The following ZSCAN22 variants were observed in gnomAD, a reference collection of about 807,000 sequenced individuals.
The protein encoded by ZSCAN22 is zinc finger and SCAN domain-containing protein 22.
A neutral mutation model predicts 12.4 loss-of-function variants in ZSCAN22; 7 were observed. The observed-to-expected ratio is 0.57, with a 90% confidence interval of 0.32 to 1.06. The LOEUF is 1.06. ZSCAN22 is among the 50% of genes least tolerant of loss of function. The probability of loss-of-function intolerance (pLI) is 0.04; values close to 1 mark genes in which losing one functional copy is unlikely to be tolerated. For missense variants in ZSCAN22, 576 were observed against 631.7 expected (o/e 0.91, Z 0.94); for synonymous variants, 243 against 255.9 (o/e 0.95, Z 0.48).
rs561266749 is a variant in ZSCAN22, at chr19:58,330,006, C to T, written c.-52+2892C>T. Among the ~76,000 whole-genome samples the T allele has an allele frequency of 9.9e-5, 15 of 152,230 alleles. No individual in the cohort carries two copies. In the South Asian group the frequency reaches 1.7e-3, roughly 17 times the overall value. ...TAAAAAGTTAAGCATTGCCTACATGCGGCCAGGCGCAGTGGCTCATGCCTG... is the reference window on the plus strand; with the variant it reads ...TAAAAAGTTAAGCATTGCCTACATGTGGCCAGGCGCAGTGGCTCATGCCTG... On this transcript the variant is annotated intron_variant, in intron 1 of 2. Coordinates refer to ENST00000329665, the MANE Select transcript of ZSCAN22 (RefSeq NM_181846.3).
Position 58,334,766 on chromosome 19 carries a change from C to T in ZSCAN22, c.-37C>T. 1 of 1,541,618 alleles carries T rather than the reference C, an allele frequency of 6.5e-7. No homozygotes were observed. Among genetic ancestry groups the T allele is most frequent in the Non-Finnish European group, 8.8e-7 (1 of 1,142,596 alleles). ...CATTCCTGCAGGCCCAGTTCCAAGG[C>T]TCCGGCATCCTGTGTCTCACTGAGC... On this transcript the variant is annotated 5_prime_UTR_variant, in exon 2 of 3. Coordinates refer to ENST00000329665, the MANE Select transcript of ZSCAN22 (RefSeq NM_181846.3).
rs745696839 is a variant in ZSCAN22 at position 58,334,951 on chromosome 19, T to C, written c.149T>C (p.Leu50Pro). 1 of 1,614,144 alleles carries C rather than the reference T, an allele frequency of 6.2e-7. No homozygotes were observed. The highest frequency in any genetic ancestry group is 8.5e-7 in the Non-Finnish European group (1 of 1,180,030). Reference sequence around the variant, plus strand: ...ATTGCTCACTCTGAGGCTGCACGCCTGCGCTTCCGGCACTTCCGCTATGAG... The same window carrying C: ...ATTGCTCACTCTGAGGCTGCACGCCCGCGCTTCCGGCACTTCCGCTATGAG... ...DHIAHSEAAR[L>P]RFRHFRYEEA... Residue 50 changes from leucine to proline, a missense_variant, in exon 2 of 3, where the codon CTG becomes CCG. Physicochemically the swap from Leu to Pro is moderately conservative, Grantham distance 98 (BLOSUM62 -3). Transcript: ENST00000329665.
rs2051788203 is a variant in ZSCAN22 at position 58,335,635 on chromosome 19, C to T, written c.403+430C>T. 6.6e-6 allele frequency among the ~76,000 whole-genome samples: 1 copy of T among 152,220 alleles called. No individual in the cohort carries two copies. Among genetic ancestry groups the T allele is most frequent in the Non-Finnish European group, 1.5e-5 (1 of 68,040 alleles). ...AACAATAAGAGGTCCCTGGTCTGAG[C>T]CCCCACTGGCCTGGTTGGGATCTTA... is the stretch of plus-strand genomic sequence containing the variant. On this transcript the variant is annotated intron_variant, in intron 2 of 2. Transcript: ENST00000329665. The surrounding 1 kb of genome is among the most constrained non-coding windows in gnomAD (Gnocchi z 4.1).
At chr19:58,336,401 G>C (rs1231547847) in intron 2 of ZSCAN22, among the ~76,000 whole-genome samples, 2 of 152,098 alleles carry the variant, frequency 1.3e-5, no homozygotes, top group Non-Finnish European at 2.9e-5. Flanking sequence ...CCTCCCACAG[G>C]GTTGGCCAAA....
At position 58,338,182 on chromosome 19, in the gene ZSCAN22, C is replaced by T. The variant is rs548183421; in HGVS notation, c.404-72C>T. 4 of 1,387,778 alleles carry T rather than the reference C, an allele frequency of 2.9e-6. No individual in the cohort carries two copies. The East Asian group carries it at 9.3e-5, about 32-fold the overall frequency. 86.0% of individuals were successfully genotyped at this position (1,387,778 alleles called of 1,614,324 possible). A position where few individuals can be genotyped will look rare whatever the true frequency, so the allele number is the denominator to read the frequency against. ...CCACATCTCCCCTTACAAAGTGTGA[C>T]CGGGGCCCTCGGCAGAGTAGGGGAG... On this transcript the variant is annotated intron_variant, in intron 2 of 2. Coordinates refer to ENST00000329665, the MANE Select transcript of ZSCAN22 (RefSeq NM_181846.3). The surrounding 1 kb of genome is among the most constrained non-coding windows in gnomAD (Gnocchi z 5.4).
At position 58,339,210 on chromosome 19, in the gene ZSCAN22, C is replaced by G; in HGVS notation, c.1360C>G (p.His454Asp). ...AFAQSSSLIE[H>D]QRIHTGEKPY... is the part of the protein sequence containing the mutation. Reference sequence around the variant, plus strand: ...TGCACAGAGCTCCTCCCTCATTGAGCACCAGAGGATCCACACGGGAGAGAA... The same window carrying G: ...TGCACAGAGCTCCTCCCTCATTGAGGACCAGAGGATCCACACGGGAGAGAA... The change falls in exon 3 of 3, where the codon CAC (histidine) becomes GAC (aspartate). Residue 454 changes from histidine to aspartate, a missense_variant. His to Asp is a moderately conservative substitution (Grantham distance 81, BLOSUM62 -1). Transcript: ENST00000329665. The surrounding 1 kb of genome is among the most constrained non-coding windows in gnomAD (Gnocchi z 5.6). 1 of 1,613,952 alleles carries G rather than the reference C, an allele frequency of 6.2e-7. No homozygotes were observed. The highest frequency in any genetic ancestry group is 8.5e-7 in the Non-Finnish European group (1 of 1,179,986).
Position 58,340,286 on chromosome 19 carries a change from A to T in ZSCAN22, c.*960A>T, listed in dbSNP as rs2051855513. On this transcript the variant is annotated 3_prime_UTR_variant, in exon 3 of 3. Coordinates refer to ENST00000329665, the MANE Select transcript of ZSCAN22 (RefSeq NM_181846.3). ...CCGAGCAACCTCTCCAGTTATCCTC[A>T]TATGCATGTATGAATACTGTCATTT... is the stretch of plus-strand genomic sequence containing the variant. 1 of 152,104 alleles carries T rather than the reference A, an allele frequency of 6.6e-6. No individual in the cohort carries two copies. Among genetic ancestry groups the T allele is most frequent in the Non-Finnish European group, 1.5e-5 (1 of 68,062 alleles). 9.4% of individuals were successfully genotyped at this position (152,104 alleles called of 1,614,324 possible).
rs2051844212 is a variant in ZSCAN22, at chr19:58,339,363, C to T, written c.*37C>T. Reference sequence around the variant, plus strand: ...CCCTGGGGGCGTAGCACAGCGTCTTCTCGGAGGCTCGAGGTCTAAGAGAAA... The same window carrying T: ...CCCTGGGGGCGTAGCACAGCGTCTTTTCGGAGGCTCGAGGTCTAAGAGAAA... On this transcript the variant is annotated 3_prime_UTR_variant, in exon 3 of 3. Transcript: ENST00000329665. This position sits in a 1 kb window ranked among gnomAD's most constrained non-coding sequence, Gnocchi z 5.6. The T allele has an allele frequency of 2.0e-6, 3 of 1,529,562 alleles. No homozygotes were observed. In the Admixed American group the frequency reaches 6.2e-5, roughly 31 times the overall value. The allele number at this position is 1,529,562 out of a possible 1,614,324, so 94.7% of individuals were successfully genotyped here.
Position 58,327,068 on chromosome 19 carries a change from A to G in ZSCAN22, c.-98A>G, listed in dbSNP as rs2147978647. ...GGGTCGGCGGGCGCGCAAGTTGGCT[A>G]GTCTCTGCGGCCACCTCCGGAAGGG... On this transcript the variant is annotated 5_prime_UTR_variant, in exon 1 of 3. Transcript: ENST00000329665. 1 of 152,938 alleles carries G rather than the reference A, an allele frequency of 6.5e-6. No homozygotes were observed. The highest frequency in any genetic ancestry group is 1.5e-5 in the Non-Finnish European group (1 of 68,546). 9.5% of individuals were successfully genotyped at this position (152,938 alleles called of 1,614,324 possible). A position where few individuals can be genotyped will look rare whatever the true frequency, so the allele number is the denominator to read the frequency against.
chr19:58,328,426 C>T (rs922917896), intron 1 of ZSCAN22, among the ~76,000 whole-genome samples: 1 of 152,170 alleles, frequency 6.6e-6, no homozygotes, highest in East Asian at 1.9e-4. Context: ...TGTTTGCTTA[C>T]GTGTAGCAGG....
At chr19:58,330,341 G>A (rs575621157) in intron 1 of ZSCAN22, among the ~76,000 whole-genome samples, 2 of 152,262 alleles carry the variant, frequency 1.3e-5, no homozygotes, top group South Asian at 2.1e-4. Flanking sequence ...TCTGAATGTC[G>A]GTAGCACCCC....
At position 58,338,944 on chromosome 19, in the gene ZSCAN22, C is replaced by T. The variant is rs1351601423; in HGVS notation, c.1094C>T (p.Thr365Ile). Residue 365 changes from threonine to isoleucine, a missense_variant, in exon 3 of 3, where the codon ACT (threonine) becomes ATT (isoleucine). Thr to Ile is a moderately conservative substitution (Grantham distance 89). Transcript: ENST00000329665. The surrounding 1 kb of genome is among the most constrained non-coding windows in gnomAD (Gnocchi z 5.4). ...GECGKTFSRS[T>I]HLTQHQRVHT... ...TGTGGTAAAACCTTCAGCCGCAGCA[C>T]TCACCTCACCCAGCACCAGCGGGTG... 4.3e-6 allele frequency: 7 copies of T among 1,613,954 alleles called. No individual in the cohort carries two copies. The Admixed American group carries it at 1.2e-4, about 27-fold the overall frequency.
chr19:58,340,699 T>C lies in ZSCAN22; in HGVS notation c.*1373T>C, dbSNP rs1378755425. The C allele has an allele frequency of 6.7e-6, 1 of 150,270 alleles. No individual in the cohort carries two copies. Among genetic ancestry groups the C allele is most frequent in the Non-Finnish European group, 1.5e-5 (1 of 67,728 alleles). 9.3% of individuals were successfully genotyped at this position (150,270 alleles called of 1,614,324 possible). A position where few individuals can be genotyped will look rare whatever the true frequency, so the allele number is the denominator to read the frequency against. On this transcript the variant is annotated 3_prime_UTR_variant, in exon 3 of 3. Transcript: ENST00000329665. ...TGGAGTTTCACCATGTTAGCCAGGA[T>C]GGTCTCGATCTCCTGACCTCGTGAT...
intron 1 of ZSCAN22, among the ~76,000 whole-genome samples, chr19:58,333,693 A>C (rs2147985493): frequency 6.6e-6 from 1 of 152,258 alleles, no homozygotes; most frequent in African/African-American, 2.4e-5. Flanking sequence ...AAAATACAAA[A>C]ATTAGCCTCA....
Position 58,338,604 on chromosome 19 carries a change from G to A in ZSCAN22, c.754G>A (p.Asp252Asn). 1.2e-6 allele frequency: 2 copies of A among 1,614,222 alleles called. No homozygotes were observed. ...TTCAGAAGACAAATTTGATCTGGTG[G>A]ATGCTTATGGGACAGAGCCTCCATA... is the stretch of plus-strand genomic sequence containing the variant. The part of the protein sequence containing the change: ...PPSEDKFDLV[D>N]AYGTEPPYTY... The change falls in exon 3 of 3, where the codon GAT becomes AAT. Residue 252 changes from aspartate (D) to asparagine (N), a missense_variant. By Grantham distance (23) the Asp-to-Asn change is conservative (BLOSUM62 1). Coordinates refer to ENST00000329665, the MANE Select transcript of ZSCAN22 (RefSeq NM_181846.3). The surrounding 1 kb of genome is among the most constrained non-coding windows in gnomAD (Gnocchi z 5.4).
At position 58,329,290 on chromosome 19, in the gene ZSCAN22, C is replaced by T. The variant is rs1673715413; in HGVS notation, c.-52+2176C>T. Among the ~76,000 whole-genome samples, 2 of 152,236 alleles carry T rather than the reference C, an allele frequency of 1.3e-5. No homozygotes were observed. ...CTTCTTCCTGTGCCCAAGGCCATTG[C>T]TCTTTCTCAGGCCTCCTGCATCTCT... On this transcript the variant is annotated intron_variant, in intron 1 of 2. Coordinates refer to ENST00000329665, the MANE Select transcript of ZSCAN22 (RefSeq NM_181846.3). The surrounding 1 kb of genome is among the most constrained non-coding windows in gnomAD (Gnocchi z 4.1).
At chr19:58,330,115 C>T (rs546823124) in intron 1 of ZSCAN22, among the ~76,000 whole-genome samples, 7 of 152,110 alleles carry the variant, frequency 4.6e-5, no homozygotes, top group Admixed American at 2.0e-4. Context: ...GGTGAAACCC[C>T]GTCTCTACTA....
At position 58,337,949 on chromosome 19, in the gene ZSCAN22, C is replaced by T. The variant is rs151077515; in HGVS notation, c.404-305C>T. Among the ~76,000 whole-genome samples the T allele has an allele frequency of 3.2e-3, 492 of 152,388 alleles. 5 individuals carry two copies. Among genetic ancestry groups the T allele is most frequent in the African/African-American group, 0.011 (461 of 41,592 alleles). Reference sequence around the variant, plus strand: ...CAGACCCTCCCTCTCTCTCTGTCTCCAGATCAGTTCCACATCAGGGTTTCT... The same window carrying T: ...CAGACCCTCCCTCTCTCTCTGTCTCTAGATCAGTTCCACATCAGGGTTTCT... On this transcript the variant is annotated intron_variant, in intron 2 of 2. Coordinates refer to ENST00000329665, the MANE Select transcript of ZSCAN22 (RefSeq NM_181846.3).
rs779345927 is a variant in ZSCAN22 at position 58,335,763 on chromosome 19, G to T, written c.403+558G>T. 2.0e-5 allele frequency among the ~76,000 whole-genome samples: 3 copies of T among 152,198 alleles called. No homozygotes were observed. The highest frequency in any genetic ancestry group is 2.9e-5 in the Non-Finnish European group (2 of 68,042). ...CCTGGGTGCCTGGGGTGGCTGTTGG[G>T]GGTGACGGAAATACCAGATGTCCCT... is the stretch of plus-strand genomic sequence containing the variant. On this transcript the variant is annotated intron_variant, in intron 2 of 2. Coordinates refer to ENST00000329665, the MANE Select transcript of ZSCAN22 (RefSeq NM_181846.3). The surrounding 1 kb of genome is among the most constrained non-coding windows in gnomAD (Gnocchi z 4.1).
Sources: allele counts gnomAD v4.1 joint callset (sites outside exome capture counted in the v4.1 genomes callset), GRCh38; gene constraint gnomAD v4.1.1; non-coding constraint Gnocchi (gnomAD v3.1); transcripts MANE v1.5; gene names NCBI Gene and HGNC (gene_info 2026-07-23, HGNC 2026-07-21).